Variants in TSPEAR observed in about 807,000 individuals in gnomAD.
TSPEAR encodes thrombospondin-type laminin G domain and EAR repeat-containing protein.
Under a neutral mutation model 71.6 loss-of-function variants are expected in TSPEAR, and 69 were observed. That is an observed-to-expected ratio of 0.96 (90% CI 0.79 to 1.18). The LOEUF (loss-of-function observed/expected upper bound fraction) is 1.18. Among genes scored for constraint, TSPEAR ranks in the 50% most tolerant of loss-of-function variants. The probability of loss-of-function intolerance (pLI) is 0.00; values close to 1 mark genes in which losing one functional copy is unlikely to be tolerated. For missense variants in TSPEAR, 971 were observed against 894.9 expected (o/e 1.09, Z -1.09); for synonymous variants, 402 against 387.2 (o/e 1.04, Z -0.45).
intron 1 of TSPEAR, chr21:44,575,074 C>A: frequency 1.3e-6 from 2 of 1,484,128 alleles, no homozygotes; most frequent in South Asian, 2.6e-5. Flanking sequence ...CACCTGAAAG[C>A]TGATAGTCGC....
intron 1 of TSPEAR, chr21:44,601,317 C>T (rs782205929): frequency 4.7e-5 from 76 of 1,611,832 alleles, no homozygotes; most frequent in Non-Finnish European, 5.9e-5. Flanking sequence ...GTGTGCCTGT[C>T]TGCTGCAAGC....
intron 1 of TSPEAR, among the ~76,000 whole-genome samples, chr21:44,665,369 T>C (rs1985696912): frequency 6.6e-6 from 1 of 152,148 alleles, no homozygotes; most frequent in African/African-American, 2.4e-5. Flanking sequence ...GCCCATCTAC[T>C]GGGGAACGTT....
intron 1 of TSPEAR, among the ~76,000 whole-genome samples, chr21:44,628,912 T>C (rs1555935208): frequency 6.7e-6 from 1 of 150,050 alleles, no homozygotes; most frequent in African/African-American, 2.4e-5. Flanking sequence ...ACACGTGGTC[T>C]CCAGAGCTCC....
chr21:44,675,857 C>T, intron 1 of TSPEAR: 2 of 656,544 alleles, frequency 3.0e-6, no homozygotes, highest in Non-Finnish European at 2.8e-6. Context: ...TTACGAAAAT[C>T]TTCCTAGACC....
At chr21:44,524,919 G>A (rs2052818749) in intron 8 of TSPEAR, among the ~76,000 whole-genome samples, 1 of 150,940 alleles carries the variant, frequency 6.6e-6, no homozygotes, top group Non-Finnish European at 1.5e-5. Flanking sequence ...AGATAGTCAG[G>A]TAGTTAGTCA....
intron 9 of TSPEAR, among the ~76,000 whole-genome samples, chr21:44,516,815 T>C (rs2052587136): frequency 6.6e-6 from 1 of 152,224 alleles, no homozygotes; most frequent in African/African-American, 2.4e-5. Context: ...CTGTGATCTA[T>C]GTACGCTGCT....
rs143023999 is a variant in TSPEAR at position 44,627,179 on chromosome 21, C to T, written c.83-59174G>A. The stretch of plus-strand genomic sequence containing the variant: ...CCTCCTCCCCACCCCAGCATGGCCG[C>T]GTCCACCATGTCCATCCGCTCCAGC... On this transcript the variant is annotated intron_variant, in intron 1 of 11. Coordinates refer to ENST00000323084, the MANE Select transcript of TSPEAR (RefSeq NM_144991.3). The T allele has an allele frequency of 1.4e-3, 2,306 of 1,612,484 alleles. 38 individuals are homozygous for T. In the African/African-American group the frequency reaches 0.028, roughly 19 times the overall value.
chr21:44,658,699 G>A (rs879957889), intron 1 of TSPEAR, among the ~76,000 whole-genome samples: 3 of 152,036 alleles, frequency 2.0e-5, no homozygotes, highest in South Asian at 4.2e-4. Flanking sequence ...TCTGTCCCCC[G>A]ACTCCCTCCC....
Position 44,681,946 on chromosome 21 carries a change from A to C in TSPEAR, c.82+29487T>G. Reference sequence around the variant, plus strand: ...GGAGCCGCATACACGACGGGCCTGCAGCTCACGGGCACGCACACAGAGGAC... The same window carrying C: ...GGAGCCGCATACACGACGGGCCTGCCGCTCACGGGCACGCACACAGAGGAC... On this transcript the variant is annotated intron_variant, in intron 1 of 11. Transcript: ENST00000323084. The C allele has an allele frequency of 3.1e-6, 5 of 1,613,952 alleles. No homozygotes were observed. The South Asian group carries it at 5.5e-5, about 18-fold the overall frequency.
At chr21:44,601,249 CAGCAGTCTAGCTGCA>C (rs1980859278) in intron 1 of TSPEAR, 1 of 1,609,334 alleles carries the variant, frequency 6.2e-7, no homozygotes, top group African/African-American at 1.4e-5. Flanking sequence ...CTCGTGCTGC[CAGCAGTCTAGCTGCA>C]AGCCGGCTTG....
intron 2 of TSPEAR, among the ~76,000 whole-genome samples, chr21:44,559,606 T>C (rs1555920691): frequency 2.0e-5 from 3 of 152,156 alleles, no homozygotes; most frequent in African/African-American, 7.2e-5. Flanking sequence ...ATGTATTAGT[T>C]CTACTGTTGG....
Position 44,578,746 on chromosome 21 carries a change from G to A in TSPEAR, c.83-10741C>T, listed in dbSNP as rs199721225. 5.9e-5 allele frequency among the ~76,000 whole-genome samples: 9 copies of A among 152,222 alleles called. No individual in the cohort carries two copies. The East Asian group carries it at 1.2e-3, about 20-fold the overall frequency. On this transcript the variant is annotated intron_variant, in intron 1 of 11. Coordinates refer to ENST00000323084, the MANE Select transcript of TSPEAR (RefSeq NM_144991.3). Reference sequence around the variant, plus strand: ...TACTAAAACAGTTCCAGCCACCACCGCAGCCCCTGGAAGGCCATCCCCCCA... The same window carrying A: ...TACTAAAACAGTTCCAGCCACCACCACAGCCCCTGGAAGGCCATCCCCCCA...
intron 2 of TSPEAR, among the ~76,000 whole-genome samples, chr21:44,564,554 T>A (rs1345113028): frequency 2.0e-5 from 3 of 152,106 alleles, no homozygotes; most frequent in Non-Finnish European, 2.9e-5. Flanking sequence ...CACTTTATAA[T>A]GATAAAAGGT....
At chr21:44,504,969 A>G in intron 10 of TSPEAR, 88 bp from the exon 11 acceptor site, 1 of 1,052,668 alleles carries the variant, frequency 9.5e-7, no homozygotes, top group Non-Finnish European at 1.5e-6. Flanking sequence ...CAAAATTTAT[A>G]GAGGAGGAGC....
rs1214582261 is a variant in TSPEAR at position 44,555,906 on chromosome 21, G to T, written c.303+11879C>A. Among the ~76,000 whole-genome samples the T allele has an allele frequency of 2.0e-5, 3 of 152,298 alleles. No individual in the cohort carries two copies. The South Asian group carries it at 6.2e-4, about 32-fold the overall frequency. On this transcript the variant is annotated intron_variant, in intron 2 of 11. Coordinates refer to ENST00000323084, the MANE Select transcript of TSPEAR (RefSeq NM_144991.3). ...CTGGAAGCCTGTGACACTCGGACAG[G>T]GACTTCCAACTGTGTATTGCATTTG... is the stretch of plus-strand genomic sequence containing the variant.
chr21:44,522,875 G>C (rs928365320), intron 8 of TSPEAR, among the ~76,000 whole-genome samples: 17 of 152,246 alleles, frequency 1.1e-4, no homozygotes, highest in Non-Finnish European at 2.2e-4. Context: ...CATGGGCCTG[G>C]GCCCACCACC....
At chr21:44,671,166 G>A (rs1242763730) in intron 1 of TSPEAR, among the ~76,000 whole-genome samples, 6 of 152,166 alleles carry the variant, frequency 3.9e-5, no homozygotes, top group Non-Finnish European at 8.8e-5. Flanking sequence ...TACCACCAGC[G>A]CTCACTTGCA....
chr21:44,663,012 GAAGA>G (rs1328294878), intron 1 of TSPEAR, among the ~76,000 whole-genome samples: 2 of 150,784 alleles, frequency 1.3e-5, no homozygotes, highest in Non-Finnish European at 3.0e-5. Context: ...TATTCACAAA[GAAGA>G]AAGTCCTGAA....
chr21:44,665,401 G>C (rs1461161958), intron 1 of TSPEAR, among the ~76,000 whole-genome samples: 1 of 152,206 alleles, frequency 6.6e-6, no homozygotes, highest in Non-Finnish European at 1.5e-5. Context: ...AGTCACAGCA[G>C]AGCCCCCCAG....
Sources: gnomAD v4.1 joint callset for allele counts (sites outside exome capture counted in the v4.1 genomes callset) on GRCh38, gnomAD v4.1.1 for gene constraint, MANE v1.5 for transcripts, NCBI Gene and HGNC (gene_info 2026-07-23, HGNC 2026-07-21) for gene names.